The following AHRR variants were observed in gnomAD, a reference collection of about 807,000 sequenced individuals.
AHRR encodes aryl hydrocarbon receptor repressor.
In AHRR, 28 loss-of-function variants were observed where a neutral mutation model predicts 44.0. The observed-to-expected ratio is 0.64, with a 90% confidence interval of 0.47 to 0.87. AHRR has a LOEUF of 0.87. Among genes scored for constraint, AHRR ranks in the 40% least tolerant of loss-of-function variants. AHRR has a pLI of 0.00. For synonymous variants in AHRR, 434 were observed against 407.0 expected (o/e 1.07, Z -0.80); for missense variants, 990 against 953.9 (o/e 1.04, Z -0.50).
intron 4 of AHRR, among the ~76,000 whole-genome samples, chr5:402,058 T>C (rs1319863785): frequency 6.6e-6 from 1 of 152,040 alleles, no homozygotes; most frequent in Non-Finnish European, 1.5e-5. Flanking sequence ...TACATCTCAC[T>C]GGCGGGAAAG....
intron 4 of AHRR, among the ~76,000 whole-genome samples, chr5:376,991 T>G (rs185575537): frequency 3.3e-5 from 5 of 152,166 alleles, no homozygotes; most frequent in African/African-American, 1.2e-4. Flanking sequence ...CAGGAAATCA[T>G]CCTCATTCTG....
rs945481128 is a variant in AHRR at position 353,802 on chromosome 5, C to A, written c.135C>A (p.Asp45Glu). 1 of 1,613,882 alleles carries A rather than the reference C, an allele frequency of 6.2e-7. No homozygotes were observed. Among genetic ancestry groups the A allele is most frequent in the African/African-American group, 1.3e-5 (1 of 74,940 alleles). Residue 45 changes from aspartate (D) to glutamate (E), a missense_variant, in exon 3 of 11, where the codon GAC becomes GAA. Physicochemically the swap from Asp to Glu is conservative, Grantham distance 45. Coordinates refer to ENST00000684583, the MANE Select transcript of AHRR (RefSeq NM_001377236.1). ...RHRDRLNAEL[D>E]HLASLLPFPP... ...GGGACCGCCTCAACGCCGAGTTGGA[C>A]CACCTGGCCAGCCTGCTGCCGTTCC... is the stretch of plus-strand genomic sequence containing the variant.
At chr5:334,269 T>C (rs1435609775) in intron 1 of AHRR, among the ~76,000 whole-genome samples, 1 of 152,180 alleles carries the variant, frequency 6.6e-6, no homozygotes, top group African/African-American at 2.4e-5. Flanking sequence ...TTGCTAAACT[T>C]GGCAGGTTTT....
chr5:349,922 G>T (rs940103050), intron 2 of AHRR, among the ~76,000 whole-genome samples: 1 of 152,310 alleles, frequency 6.6e-6, no homozygotes, highest in African/African-American at 2.4e-5. Context: ...GTCCAATGAA[G>T]ACCCAAGGAA....
chr5:434,532 G>A lies in AHRR; in HGVS notation c.1792G>A (p.Gly598Arg), dbSNP rs546731101. The change falls in exon 11 of 11, where the codon GGG (glycine) becomes AGG (arginine). Residue 598 changes from glycine to arginine, a missense_variant. Gly to Arg is a moderately radical substitution (Grantham distance 125). Transcript: ENST00000684583. ...GHGVRGAQPH[G>R]RATAGRSREL... ...CGGCGTGCGGGGGGCTCAGCCCCAT[G>A]GGAGGGCCACTGCTGGGCGCAGCAG... The A allele has an allele frequency of 6.2e-7, 1 of 1,610,704 alleles. No homozygotes were observed. Among genetic ancestry groups the A allele is most frequent in the African/African-American group, 1.3e-5 (1 of 75,036 alleles).
chr5:403,837 C>T, intron 4 of AHRR: 2 of 1,559,508 alleles, frequency 1.3e-6, no homozygotes, highest in South Asian at 1.1e-5. Context: ...TTCCTTTTTG[C>T]TCAAAGGACA....
At chr5:351,772 C>T (rs566771377) in intron 2 of AHRR, among the ~76,000 whole-genome samples, 182 of 152,282 alleles carry the variant, frequency 1.2e-3, no homozygotes, top group African/African-American at 4.1e-3. Flanking sequence ...CTGGGTTTGG[C>T]GCTGTCAGGC....
intron 3 of AHRR, among the ~76,000 whole-genome samples, chr5:363,867 C>G (rs1436333081): frequency 6.6e-6 from 1 of 152,254 alleles, no homozygotes; most frequent in African/African-American, 2.4e-5. Context: ...TCAACACCTC[C>G]TCTACCTAGA....
At chr5:347,599 A>G (rs1742720919) in intron 2 of AHRR, among the ~76,000 whole-genome samples, 1 of 152,248 alleles carries the variant, frequency 6.6e-6, no homozygotes. Context: ...AATGACTTGA[A>G]TAGTCGTGAA....
chr5:401,332 CT>C (rs1424545406), intron 4 of AHRR, among the ~76,000 whole-genome samples: 1 of 152,206 alleles, frequency 6.6e-6, no homozygotes, highest in Non-Finnish European at 1.5e-5. Context: ...ATGGGAGCCG[CT>C]GTAGAGAAAG....
rs769783173 is a variant in AHRR at position 411,600 on chromosome 5, G to A, written c.352-1744G>A. On this transcript the variant is annotated intron_variant, in intron 4 of 10. Coordinates refer to ENST00000684583, the MANE Select transcript of AHRR (RefSeq NM_001377236.1). The surrounding 1 kb of genome is among the most constrained non-coding windows in gnomAD (Gnocchi z 4.2). ...CAGGAAATGTTTTTCAATGTCATTA[G>A]TAATCAAAGAAATGAAAACTATAAT... Among the ~76,000 whole-genome samples, 5 of 152,084 alleles carry A rather than the reference G, an allele frequency of 3.3e-5. No homozygotes were observed. Among genetic ancestry groups the A allele is most frequent in the African/African-American group, 7.2e-5 (3 of 41,402 alleles).
chr5:353,773 C>T lies in AHRR; in HGVS notation c.106C>T (p.His36Tyr). ...AGAGAAGTCCAACCCCTCCAAGCGA[C>T]ACCGGGACCGCCTCAACGCCGAGTT... ...GAEKSNPSKRHRDRLNAELDH... is the reference protein window; with the variant it reads ...GAEKSNPSKRYRDRLNAELDH... Residue 36 changes from histidine (H) to tyrosine (Y), a missense_variant, in exon 3 of 11, where the codon CAC becomes TAC. Coordinates refer to ENST00000684583, the MANE Select transcript of AHRR (RefSeq NM_001377236.1). The T allele has an allele frequency of 6.2e-7, 1 of 1,613,454 alleles. No homozygotes were observed.
chr5:367,571 C>T (rs141335343), intron 3 of AHRR, among the ~76,000 whole-genome samples: 2 of 152,320 alleles, frequency 1.3e-5, no homozygotes, highest in Non-Finnish European at 2.9e-5. Context: ...AGTGATGCCA[C>T]GTGGGCCTTG....
chr5:398,068 T>C (rs372192170), intron 4 of AHRR, among the ~76,000 whole-genome samples: 1,028 of 39,418 alleles, frequency 0.026, 1 homozygote, highest in Middle Eastern at 0.05. Flanking sequence ...TCCACGTAGC[T>C]CCTGACCATC....
At chr5:377,748 C>G (rs1272825416) in intron 4 of AHRR, among the ~76,000 whole-genome samples, 5 of 152,234 alleles carry the variant, frequency 3.3e-5, no homozygotes, top group Non-Finnish European at 7.3e-5. Flanking sequence ...GCCTGGGAAG[C>G]CTGGAGCCTG....
At chr5:427,719 G>A (rs200874683) in intron 7 of AHRR, 88 bp from the exon 8 acceptor site, 49 of 1,613,862 alleles carry the variant, frequency 3.0e-5, no homozygotes, top group Admixed American at 5.0e-5. Flanking sequence ...AATTCCAGCC[G>A]CTGTCGCGCC....
intron 10 of AHRR, among the ~76,000 whole-genome samples, chr5:433,208 CTG>C (rs568788687): frequency 5.3e-5 from 8 of 152,224 alleles, no homozygotes; most frequent in Non-Finnish European, 1.0e-4. Context: ...CCCGTGGGCT[CTG>C]GGACCCGCCC....
intron 1 of AHRR, chr5:343,623 A>G (rs1170555500): frequency 6.5e-6 from 3 of 461,338 alleles, no homozygotes; most frequent in Non-Finnish European, 1.1e-5. Context: ...GCCAGGCTCC[A>G]GAGCAGGCGG....
In AHRR at chr5:422,790, G is replaced by T; in HGVS notation, c.503G>T (p.Cys168Phe). 6.2e-7 allele frequency: 1 copy of T among 1,614,138 alleles called. No homozygotes were observed. Among genetic ancestry groups the T allele is most frequent in the South Asian group, 1.1e-5 (1 of 91,078 alleles). ...CACGTGGACGACCGCCAGGACTTCT[G>T]CCGGCAGCTCCACTGGGCCATGGAC... ...YIHVDDRQDF[C>F]RQLHWAMDPP... Residue 168 changes from cysteine to phenylalanine, a missense_variant, in exon 6 of 11, where the codon TGC becomes TTC. Coordinates refer to ENST00000684583, the MANE Select transcript of AHRR (RefSeq NM_001377236.1).
Sources: allele counts gnomAD v4.1 joint callset (sites outside exome capture counted in the v4.1 genomes callset), GRCh38; gene constraint gnomAD v4.1.1; non-coding constraint Gnocchi (gnomAD v3.1); transcripts MANE v1.5; gene names NCBI Gene and HGNC (gene_info 2026-07-23, HGNC 2026-07-21).